Variants in ADIG observed in about 807,000 individuals in gnomAD.
The protein encoded by ADIG is adipogenesis associated.
ADIG carries 12 observed loss-of-function variants against 10.7 expected under a neutral mutation model. That is an observed-to-expected ratio of 1.12 (90% CI 0.72 to 1.82). The LOEUF is 1.82. ADIG is among the 40% of genes most tolerant of loss of function. The pLI is 0.00. For synonymous variants in ADIG, 32 were observed against 35.6 expected (o/e 0.90, Z 0.36); for missense variants, 72 against 92.5 (o/e 0.78, Z 0.91).
chr20:38,584,651 A>T (rs1802976607), intron 1 of ADIG, among the ~76,000 whole-genome samples: 1 of 152,260 alleles, frequency 6.6e-6, no homozygotes, highest in South Asian at 2.1e-4. Context: ...TACAAAAAAT[A>T]CTAGTAATTG....
chr20:38,585,050 C>T (rs2088624220), intron 1 of ADIG, among the ~76,000 whole-genome samples: 1 of 152,220 alleles, frequency 6.6e-6, no homozygotes, highest in South Asian at 2.1e-4. Flanking sequence ...GCTGGGATTA[C>T]AGGCGTGAGC....
intron 1 of ADIG, chr20:38,585,333 C>T (rs529991029): frequency 1.9e-4 from 248 of 1,290,434 alleles, no homozygotes; most frequent in Non-Finnish European, 2.3e-4. Flanking sequence ...AACTCATTAA[C>T]GTGTGCAGGT....
Position 38,581,387 on chromosome 20 carries a change from C to A in ADIG, c.124+13C>A. On this transcript the variant is annotated intron_variant, in intron 1 of 2. Transcript: ENST00000537425. ...TTACTTAGCCAAGGTGAGCTTCTTA[C>A]CCCGTCCAGGCAGGACCCTAATCCT... 6.2e-7 allele frequency: 1 copy of A among 1,613,842 alleles called. No individual in the cohort carries two copies.
intron 1 of ADIG, among the ~76,000 whole-genome samples, chr20:38,584,967 G>A (rs2088623117): frequency 6.6e-6 from 1 of 152,176 alleles, no homozygotes. Flanking sequence ...TAGTAGAGAC[G>A]GGGTTTCGCC....
chr20:38,586,365 G>C, intron 2 of ADIG: 1 of 543,562 alleles, frequency 1.8e-6, no homozygotes, highest in Non-Finnish European at 3.3e-6. Context: ...CCAGCCCCCT[G>C]TGCCACAAGG....
intron 1 of ADIG, chr20:38,585,566 A>G (rs2088629043): frequency 1.3e-6 from 2 of 1,538,936 alleles, no homozygotes; most frequent in African/African-American, 2.7e-5. Flanking sequence ...ATCTCTCGTG[A>G]TCTGTGGACG....
chr20:38,585,382 T>C (rs571688165), intron 1 of ADIG: 4 of 1,546,138 alleles, frequency 2.6e-6, no homozygotes, highest in Non-Finnish European at 3.5e-6. Context: ...CATTTGCTTT[T>C]CAAAACAAAA....
intron 1 of ADIG, chr20:38,585,600 A>G (rs1429463025): frequency 6.9e-7 from 1 of 1,441,168 alleles, no homozygotes; most frequent in South Asian, 1.2e-5. Context: ...CAGGTGTTTT[A>G]TTGTTCGTGT....
chr20:38,583,539 G>A (rs180964775), intron 1 of ADIG, among the ~76,000 whole-genome samples: 4 of 152,212 alleles, frequency 2.6e-5, no homozygotes, highest in Non-Finnish European at 5.9e-5. Context: ...CTGGCACATC[G>A]TAGGTTCCTG....
At position 38,586,170 on chromosome 20, in the gene ADIG, C is replaced by G; in HGVS notation, c.*14+9C>G. 6.4e-7 allele frequency: 1 copy of G among 1,565,338 alleles called. No individual in the cohort carries two copies. The highest frequency in any genetic ancestry group is 8.7e-7 in the Non-Finnish European group (1 of 1,154,530). ...TGAGCCTGCTGTGCCAGGTGAGGCC[C>G]TTCCAGGGGCCAGGGGGAGCCTCAA... On this transcript the variant is annotated intron_variant, in intron 2 of 2. Coordinates refer to ENST00000537425, the MANE Select transcript of ADIG (RefSeq NM_001393816.1).
At chr20:38,585,341 G>C (rs2088626890) in intron 1 of ADIG, 2 of 1,428,798 alleles carry the variant, frequency 1.4e-6, no homozygotes, top group Non-Finnish European at 1.9e-6. Flanking sequence ...AACGTGTGCA[G>C]GTTTTCAAAA....
chr20:38,586,210 C>G, intron 2 of ADIG, 49 bp downstream of exon 2: 1 of 1,470,692 alleles, frequency 6.8e-7, no homozygotes, highest in Non-Finnish European at 9.3e-7. Context: ...CACCCAAAGC[C>G]TTGGGCAGCT....
At chr20:38,581,663 G>C (rs1262097530) in intron 1 of ADIG, among the ~76,000 whole-genome samples, 2 of 149,806 alleles carry the variant, frequency 1.3e-5, no homozygotes, top group Non-Finnish European at 3.0e-5. Flanking sequence ...TGAACCTAGA[G>C]TTCGAGAGTG....
At chr20:38,582,633 C>T (rs2088599327) in intron 1 of ADIG, among the ~76,000 whole-genome samples, 1 of 152,110 alleles carries the variant, frequency 6.6e-6, no homozygotes, top group African/African-American at 2.4e-5. Flanking sequence ...CCTTTTGTTT[C>T]TAGAAAGTGT....
intron 1 of ADIG, 53 bp from the exon 2 acceptor site, chr20:38,585,976 G>A: frequency 6.6e-7 from 1 of 1,524,590 alleles, no homozygotes; most frequent in African/African-American, 1.4e-5. Context: ...CCTGGGTCAG[G>A]GGTAGGAGAC....
At chr20:38,586,713 G>A (rs1047105176) in intron 2 of ADIG, among the ~76,000 whole-genome samples, 9 of 152,170 alleles carry the variant, frequency 5.9e-5, no homozygotes, top group Non-Finnish European at 8.8e-5. Context: ...GTGGAAGGAT[G>A]ACATGATATT....
intron 1 of ADIG, among the ~76,000 whole-genome samples, chr20:38,585,117 G>A (rs1359175903): frequency 6.6e-6 from 1 of 152,224 alleles, no homozygotes. Context: ...CACTGTTGAA[G>A]GCCTGTGCTA....
intron 1 of ADIG, among the ~76,000 whole-genome samples, chr20:38,583,489 C>A (rs1283410781): frequency 6.6e-6 from 1 of 152,226 alleles, no homozygotes; most frequent in Non-Finnish European, 1.5e-5. Flanking sequence ...CGATGCATAT[C>A]GGGTACTTAC....
chr20:38,586,554 GCCCCCA>G (rs1405320472), intron 2 of ADIG, among the ~76,000 whole-genome samples: 1 of 152,064 alleles, frequency 6.6e-6, no homozygotes, highest in Non-Finnish European at 1.5e-5. Flanking sequence ...CGATATTGAA[GCCCCCA>G]CCCTATCCTC....
Sources: allele counts gnomAD v4.1 joint callset (sites outside exome capture counted in the v4.1 genomes callset), GRCh38; gene constraint gnomAD v4.1.1; transcripts MANE v1.5; gene names NCBI Gene and HGNC (gene_info 2026-07-23, HGNC 2026-07-21).